IPO7: variants seen among roughly 807,000 people sequenced by gnomAD.
IPO7 encodes importin 7.
In IPO7, 13 loss-of-function variants were observed where a neutral mutation model predicts 136.4. The observed-to-expected ratio is 0.10, with a 90% CI of 0.06 to 0.15. The LOEUF (loss-of-function observed/expected upper bound fraction) is 0.15, where lower values mean the gene tolerates loss of function less well. Among genes scored for constraint, IPO7 ranks in the 10% least tolerant of loss-of-function variants. IPO7 has a pLI of 1.00. For synonymous variants in IPO7, 403 were observed against 404.4 expected (o/e 1.00, Z 0.04); for missense variants, 857 against 1,240.6 (o/e 0.69, Z 4.65).
chr11:9,420,588 C>G (rs763895671), intron 7 of IPO7, 26 bp from the exon 8 acceptor site: 2 of 1,582,122 alleles, frequency 1.3e-6, no homozygotes, highest in South Asian at 2.2e-5. Flanking sequence ...TATAAAGAAA[C>G]AATGGGCATT....
At chr11:9,426,270 A>G (rs1381699913) in intron 12 of IPO7, among the ~76,000 whole-genome samples, 1 of 152,248 alleles carries the variant, frequency 6.6e-6, no homozygotes, top group Admixed American at 6.5e-5. Flanking sequence ...ATGGAATCAT[A>G]TAATACGTAG....
chr11:9,430,121 C>T (rs999537780), intron 15 of IPO7, among the ~76,000 whole-genome samples: 1 of 152,076 alleles, frequency 6.6e-6, no homozygotes, highest in African/African-American at 2.4e-5. Context: ...TGAGAATTTC[C>T]GGCAGTAATG....
chr11:9,397,341 A>AAAAATATATATATATATATATATAT, intron 1 of IPO7, among the ~76,000 whole-genome samples: 1 of 10,758 alleles, frequency 9.3e-5, no homozygotes, highest in African/African-American at 2.5e-4. Context: ...TTTAAAAAAA[A>AAAAATATATATATATATATATATAT]ATATATATAT....
chr11:9,404,828 A>C (rs1176041016), intron 2 of IPO7, among the ~76,000 whole-genome samples: 1 of 152,148 alleles, frequency 6.6e-6, no homozygotes, highest in Non-Finnish European at 1.5e-5. Context: ...GGCCTCCCAA[A>C]GTGCTGGGAT....
At chr11:9,424,562 A>G (rs1463728525) in intron 10 of IPO7, among the ~76,000 whole-genome samples, 1 of 152,080 alleles carries the variant, frequency 6.6e-6, no homozygotes, top group Non-Finnish European at 1.5e-5. Context: ...TGACCAATAT[A>G]GTGAAACCCC....
chr11:9,399,683 G>A (rs1451632885), intron 1 of IPO7, among the ~76,000 whole-genome samples: 1 of 152,192 alleles, frequency 6.6e-6, no homozygotes, highest in Admixed American at 6.5e-5. Context: ...CTATGACCAA[G>A]TCCTGGTGAA....
At position 9,423,004 on chromosome 11, in the gene IPO7, A is replaced by T; in HGVS notation, c.907-2A>T. On this transcript the variant is annotated splice_acceptor_variant, in intron 8 of 24. Transcript: ENST00000379719. LOFTEE classifies it high-confidence loss of function. ...ATTTGTGATCGAAAATTTTTTTCCA[A>T]GGTTTTATTGAAGGTGTTATATCAG... The T allele has an allele frequency of 6.6e-7, 1 of 1,517,422 alleles. No individual in the cohort carries two copies. The highest frequency in any genetic ancestry group is 8.8e-7 in the Non-Finnish European group (1 of 1,129,978). The allele number at this position is 1,517,422 out of a possible 1,614,324, so 94.0% of individuals were successfully genotyped here.
At chr11:9,437,681 G>A in intron 20 of IPO7, 73 bp from the exon 21 acceptor site, 1 of 1,108,462 alleles carries the variant, frequency 9.0e-7, no homozygotes, top group Non-Finnish European at 1.3e-6. Context: ...AGGCAACAAA[G>A]AAGTTAATAT....
Position 9,420,456 on chromosome 11 carries a change from T to G in IPO7, c.772T>G (p.Trp258Gly). 1.2e-6 allele frequency: 2 copies of G among 1,612,224 alleles called. No homozygotes were observed. Among genetic ancestry groups the G allele is most frequent in the Non-Finnish European group, 1.7e-6 (2 of 1,179,434 alleles). ...AGATGATCGACCTGAGTTACCATGG[T>G]GGAAATGCAAGAAGTGGGCCTTACA... ...EEDDRPELPW[W>G]KCKKWALHIL... Residue 258 changes from tryptophan to glycine, a missense_variant, in exon 7 of 25, where the codon TGG becomes GGG. Transcript: ENST00000379719.
chr11:9,411,831 T>C (rs1854971966), intron 4 of IPO7, among the ~76,000 whole-genome samples: 1 of 152,184 alleles, frequency 6.6e-6, no homozygotes, highest in Non-Finnish European at 1.5e-5. Flanking sequence ...ACTCATTAGC[T>C]TAGATTAACA....
chr11:9,394,978 G>T (rs1373417654), intron 1 of IPO7, among the ~76,000 whole-genome samples: 2 of 152,162 alleles, frequency 1.3e-5, no homozygotes, highest in Admixed American at 1.3e-4. Flanking sequence ...AATTAATGAT[G>T]TATAATGACT....
At chr11:9,387,771 C>T (rs918184551) in intron 1 of IPO7, among the ~76,000 whole-genome samples, 70 of 151,458 alleles carry the variant, frequency 4.6e-4, no homozygotes, top group African/African-American at 1.6e-3. Flanking sequence ...GCGGAGGTTG[C>T]GGTGAGCTGA....
intron 1 of IPO7, among the ~76,000 whole-genome samples, chr11:9,390,356 C>T (rs1854611926): frequency 6.6e-6 from 1 of 151,458 alleles, no homozygotes; most frequent in South Asian, 2.1e-4. Flanking sequence ...AAAAGGTTAA[C>T]TATTACTGCT....
chr11:9,435,179 G>C (rs1855352870), intron 19 of IPO7, 148 bp downstream of exon 19: 1 of 598,442 alleles, frequency 1.7e-6, no homozygotes, highest in African/African-American at 1.9e-5. Context: ...AAAGTCATTG[G>C]TCCCTAGATG....
chr11:9,411,375 G>A (rs1254392652), intron 4 of IPO7, among the ~76,000 whole-genome samples: 1 of 152,220 alleles, frequency 6.6e-6, no homozygotes, highest in African/African-American at 2.4e-5. Context: ...TAGATCCTCA[G>A]GAAATGCTTG....
intron 1 of IPO7, among the ~76,000 whole-genome samples, chr11:9,397,364 A>ATT (rs1564992065): frequency 1.0e-5 from 1 of 98,304 alleles, no homozygotes; most frequent in African/African-American, 3.9e-5. Context: ...ATATATATAT[A>ATT]TTAGTCGGGC....
intron 1 of IPO7, among the ~76,000 whole-genome samples, chr11:9,388,667 C>G (rs977117296): frequency 2.6e-5 from 4 of 151,114 alleles, no homozygotes; most frequent in Admixed American, 1.3e-4. Context: ...TTTGTAGAGA[C>G]AAGGTTTCAC....
chr11:9,420,495 C>G lies in IPO7; in HGVS notation c.811C>G (p.Leu271Val). The change falls in exon 7 of 25, where the codon CTT (leucine) becomes GTT (valine). Residue 271 changes from leucine (L) to valine (V), a missense_variant. Leu to Val is a conservative substitution (Grantham distance 32). This residue lies in a region of IPO7 where 287 missense variants were observed against 307.5 expected (regional missense o/e 0.93). Transcript: ENST00000379719. ...KKWALHILAR[L>V]FERYGSPGNV... ...GTGGGCCTTACATATTTTAGCAAGACTTTTTGAAAGGTAATCTCATCCATA... is the reference window on the plus strand; with the variant it reads ...GTGGGCCTTACATATTTTAGCAAGAGTTTTTGAAAGGTAATCTCATCCATA... 1 of 1,609,688 alleles carries G rather than the reference C, an allele frequency of 6.2e-7. No homozygotes were observed. The highest frequency in any genetic ancestry group is 8.5e-7 in the Non-Finnish European group (1 of 1,176,408).
chr11:9,425,047 A>C, intron 11 of IPO7, 57 bp downstream of exon 11: 1 of 1,345,646 alleles, frequency 7.4e-7, no homozygotes, highest in Non-Finnish European at 1.1e-6. Context: ...TTATTCAACT[A>C]TACACTTTTT....
Sources: allele counts gnomAD v4.1 joint callset (sites outside exome capture counted in the v4.1 genomes callset), GRCh38; gene constraint gnomAD v4.1.1; regional missense constraint gnomAD v4.1.1; transcripts MANE v1.5; gene names NCBI Gene and HGNC (gene_info 2026-07-23, HGNC 2026-07-21).